MAGI2: variants seen among roughly 807,000 people sequenced by gnomAD.
The protein encoded by MAGI2 is membrane-associated guanylate kinase, WW and PDZ domain-containing protein 2.
In MAGI2, 35 loss-of-function variants were observed where a neutral mutation model predicts 133.3. That is an observed-to-expected ratio of 0.26 (90% confidence interval 0.20 to 0.35). MAGI2 has a LOEUF of 0.35. Ranked by LOEUF, MAGI2 falls within the 10% of genes least tolerant of loss-of-function variation. The pLI is 1.00. For missense variants in MAGI2, 1,636 were observed against 1,863.4 expected, an observed-to-expected ratio of 0.88 and a Z score of 2.25; for synonymous variants, 729 against 710.6, an observed-to-expected ratio of 1.03 and a Z score of -0.41.
At chr7:78,230,967 G>C (rs1382799423) in intron 10 of MAGI2, among the ~76,000 whole-genome samples, 2 of 152,184 alleles carry the variant, frequency 1.3e-5, no homozygotes, top group Non-Finnish European at 2.9e-5. Context: ...ATGGTCTTTA[G>C]TAATTTCATA....
intron 2 of MAGI2, among the ~76,000 whole-genome samples, chr7:78,693,886 C>T (rs1817226498): frequency 6.6e-6 from 1 of 152,166 alleles, no homozygotes; most frequent in South Asian, 2.1e-4. Flanking sequence ...CTTTGTATTT[C>T]TTTCACTTTG....
intron 20 of MAGI2, among the ~76,000 whole-genome samples, chr7:78,104,460 C>G (rs1971644): frequency 0.79 from 119,387 of 151,076 alleles, 47,271 homozygotes; most frequent in Non-Finnish European, 0.81. Flanking sequence ...CTGACCTCGT[C>G]ATCCGCCCGC....
intron 1 of MAGI2, among the ~76,000 whole-genome samples, chr7:79,148,905 T>A (rs1822914714): frequency 6.8e-6 from 1 of 147,262 alleles, no homozygotes; most frequent in African/African-American, 2.5e-5. Flanking sequence ...TATATGTAAT[T>A]ATTTGCTCCC....
chr7:79,441,979 TTGCCCC>T (rs1178661683), intron 1 of MAGI2, among the ~76,000 whole-genome samples: 1 of 152,212 alleles, frequency 6.6e-6, no homozygotes, highest in East Asian at 1.9e-4. Context: ...AGTATGTACC[TTGCCCC>T]TGCCTCTTCT....
chr7:78,890,554 G>T (rs1202907032), intron 2 of MAGI2, among the ~76,000 whole-genome samples: 2 of 151,612 alleles, frequency 1.3e-5, no homozygotes, highest in East Asian at 1.9e-4. Flanking sequence ...AATCAAACTA[G>T]AACTCAGGAT....
chr7:78,720,840 G>A (rs1820197328), intron 2 of MAGI2, among the ~76,000 whole-genome samples: 1 of 151,990 alleles, frequency 6.6e-6, no homozygotes, highest in African/African-American at 2.4e-5. Context: ...GACAACCCTT[G>A]GATCTAACCT....
chr7:78,436,342 G>T (rs112901447), intron 6 of MAGI2, among the ~76,000 whole-genome samples: 1 of 152,112 alleles, frequency 6.6e-6, no homozygotes, highest in African/African-American at 2.4e-5. Flanking sequence ...CATTCAGGGT[G>T]AGGCTGCCAA....
chr7:79,208,173 AACAG>A (rs1171960410), intron 1 of MAGI2, among the ~76,000 whole-genome samples: 4 of 152,062 alleles, frequency 2.6e-5, no homozygotes, highest in African/African-American at 9.7e-5. Context: ...ACAAAGCAAA[AACAG>A]ACAAATAGAA....
At chr7:79,077,561 C>G (rs1280244679) in intron 1 of MAGI2, among the ~76,000 whole-genome samples, 1 of 104,566 alleles carries the variant, frequency 9.6e-6, no homozygotes, top group South Asian at 3.0e-4. Context: ...GGCAACAGAG[C>G]GAGACTGCCT....
At chr7:78,961,773 T>C (rs1320624123) in intron 2 of MAGI2, among the ~76,000 whole-genome samples, 1 of 152,104 alleles carries the variant, frequency 6.6e-6, no homozygotes, top group African/African-American at 2.4e-5. Context: ...ATGTGTAGCT[T>C]AACAAAGGGG....
At chr7:78,208,203 T>G (rs1033177837) in intron 10 of MAGI2, among the ~76,000 whole-genome samples, 1 of 150,100 alleles carries the variant, frequency 6.7e-6, no homozygotes, top group African/African-American at 2.5e-5. Context: ...AAACGATCCT[T>G]TCTGTACCTT....
chr7:79,154,155 A>G (rs1823537461), intron 1 of MAGI2, among the ~76,000 whole-genome samples: 1 of 152,182 alleles, frequency 6.6e-6, no homozygotes, highest in Admixed American at 6.5e-5. Context: ...CTATCTTTCA[A>G]CAGGTGAAAG....
At chr7:79,440,668 A>G (rs1848438021) in intron 1 of MAGI2, among the ~76,000 whole-genome samples, 1 of 152,188 alleles carries the variant, frequency 6.6e-6, no homozygotes, top group Non-Finnish European at 1.5e-5. Context: ...TTCCATTCCT[A>G]TAATGTATAG....
chr7:78,517,809 T>C (rs149689546), intron 4 of MAGI2, among the ~76,000 whole-genome samples: 623 of 152,288 alleles, frequency 4.1e-3, no homozygotes, highest in South Asian at 0.012. Context: ...TGGTGCAATT[T>C]TGAGCAGAAG....
At chr7:78,236,516 A>G (rs1208519782) in intron 10 of MAGI2, among the ~76,000 whole-genome samples, 1 of 152,156 alleles carries the variant, frequency 6.6e-6, no homozygotes, top group Non-Finnish European at 1.5e-5. Context: ...CTTGTTCTTG[A>G]GGGAAATTAG....
At chr7:78,808,093 AT>A (rs1788736379) in intron 2 of MAGI2, among the ~76,000 whole-genome samples, 1 of 152,140 alleles carries the variant, frequency 6.6e-6, no homozygotes, top group African/African-American at 2.4e-5. Flanking sequence ...CACCCACAAA[AT>A]AATAGAAAAC....
chr7:78,920,592 C>T (rs755765394), intron 2 of MAGI2, among the ~76,000 whole-genome samples: 2 of 151,988 alleles, frequency 1.3e-5, no homozygotes, highest in Non-Finnish European at 2.9e-5. Context: ...AGGAAATAGT[C>T]TCTATGTTCT....
intron 1 of MAGI2, among the ~76,000 whole-genome samples, chr7:79,187,457 A>C (rs1562974881): frequency 1.3e-5 from 2 of 151,770 alleles, no homozygotes; most frequent in Non-Finnish European, 2.9e-5. Context: ...CCCTCAGTCC[A>C]TCTACCTATT....
At chr7:79,298,702 C>G (rs1444461527) in intron 1 of MAGI2, among the ~76,000 whole-genome samples, 1 of 152,024 alleles carries the variant, frequency 6.6e-6, no homozygotes, top group Non-Finnish European at 1.5e-5. Context: ...CCCCCAGTAT[C>G]TTATAATGTG....
Sources: gnomAD v4.1 joint callset for allele counts (sites outside exome capture counted in the v4.1 genomes callset) on GRCh38, gnomAD v4.1.1 for gene constraint, MANE v1.5 for transcripts, NCBI Gene and HGNC (gene_info 2026-07-23, HGNC 2026-07-21) for gene names.